ZNF112: variants seen among roughly 807,000 people sequenced by gnomAD.
ZNF112 encodes the protein zinc finger protein 112.
A neutral mutation model predicts 77.7 loss-of-function variants in ZNF112; 37 were observed. The ratio of observed to expected loss-of-function variants is 0.48; its 90% CI spans 0.37 to 0.63. The LOEUF is 0.63. Ranked by LOEUF, ZNF112 falls within the 20% of genes least tolerant of loss-of-function variation. The probability of loss-of-function intolerance (pLI) is 0.00; values close to 1 mark genes in which losing one functional copy is unlikely to be tolerated. For missense variants in ZNF112, 950 were observed against 1,077.4 expected, an observed-to-expected ratio of 0.88 and a Z score of 1.66; for synonymous variants, 333 against 363.6, an observed-to-expected ratio of 0.92 and a Z score of 0.96.
intron 1 of ZNF112, among the ~76,000 whole-genome samples, chr19:44,345,058 G>C (rs777655868): frequency 9.9e-5 from 15 of 152,182 alleles, no homozygotes; most frequent in Non-Finnish European, 2.2e-4. Context: ...CAGTTACTAG[G>C]ACAGTGGCTC....
At chr19:44,334,530 G>A (rs1387120355) in intron 3 of ZNF112, among the ~76,000 whole-genome samples, 1 of 152,240 alleles carries the variant, frequency 6.6e-6, no homozygotes, top group Non-Finnish European at 1.5e-5. Flanking sequence ...GCATTTCAGA[G>A]CCAGTCATGA....
At chr19:44,332,425 A>C (rs2123149229) in intron 3 of ZNF112, among the ~76,000 whole-genome samples, 1 of 152,328 alleles carries the variant, frequency 6.6e-6, no homozygotes, top group African/African-American at 2.4e-5. Context: ...TCAAAAGTGA[A>C]GCTTTCAGTT....
intron 3 of ZNF112, among the ~76,000 whole-genome samples, chr19:44,335,938 T>C (rs1033055898): frequency 1.3e-5 from 2 of 152,206 alleles, no homozygotes; most frequent in Non-Finnish European, 2.9e-5. Context: ...AACTTGAAGA[T>C]TCTACTTTAA....
intron 1 of ZNF112, among the ~76,000 whole-genome samples, chr19:44,341,361 G>A (rs957157588): frequency 3.3e-5 from 5 of 152,164 alleles, no homozygotes; most frequent in African/African-American, 7.2e-5. Context: ...TTGCATTGAC[G>A]TTAACCTCTG....
chr19:44,350,883 G>C (rs1361396623), intron 1 of ZNF112, among the ~76,000 whole-genome samples: 1 of 152,106 alleles, frequency 6.6e-6, no homozygotes, highest in African/African-American at 2.4e-5. Flanking sequence ...AATATCAAGA[G>C]TCTACAGTAA....
chr19:44,349,770 T>C (rs1970659130), intron 1 of ZNF112, among the ~76,000 whole-genome samples: 1 of 152,082 alleles, frequency 6.6e-6, no homozygotes, highest in Non-Finnish European at 1.5e-5. Context: ...GGCAAAGAAA[T>C]GTATCCAGAT....
At chr19:44,359,315 C>CTTTTTTT (rs767955186), upstream of ZNF112, among the ~76,000 whole-genome samples, 81 of 54,860 alleles carry the variant, frequency 1.5e-3, 13 homozygotes, top group African/African-American at 3.9e-3. Flanking sequence ...TATTAGAGTT[C>CTTTTTTT]TTTTTTTTTT....
At position 44,329,523 on chromosome 19, in the gene ZNF112, G is replaced by T. The variant is rs779110592; in HGVS notation, c.634C>A (p.His212Asn). The T allele has an allele frequency of 1.1e-5, 17 of 1,614,098 alleles. No homozygotes were observed. Among genetic ancestry groups the T allele is most frequent in the Middle Eastern group, 1.7e-4 (1 of 6,060 alleles). ...TGTACTTCCAGTTTATCATTGTGATGTGAGAGCCAACTGACACTGTCACAC... is the reference window on the plus strand; with the variant it reads ...TGTACTTCCAGTTTATCATTGTGATTTGAGAGCCAACTGACACTGTCACAC... ...CKCDSVSWLS[H>N]HNDKLEVHRK... The change falls in exon 4 of 4, where the codon CAT becomes AAT. Residue 212 changes from histidine to asparagine, a missense_variant. Physicochemically the swap from His to Asn is moderately conservative, Grantham distance 68 (BLOSUM62 1). Coordinates refer to ENST00000354340, the MANE Select transcript of ZNF112 (RefSeq NM_013380.4).
chr19:44,341,224 C>A (rs1306743267), intron 1 of ZNF112: 3 of 456,028 alleles, frequency 6.6e-6, no homozygotes, highest in Non-Finnish European at 1.3e-5. Flanking sequence ...TTCATTATAT[C>A]TTCTATCCCA....
chr19:44,332,644 T>C (rs1970291897), intron 3 of ZNF112, among the ~76,000 whole-genome samples: 1 of 152,210 alleles, frequency 6.6e-6, no homozygotes, highest in Non-Finnish European at 1.5e-5. Flanking sequence ...TTGGGACTGA[T>C]GTAGTGGCTT....
In ZNF112 at chr19:44,340,423, G is replaced by C; in HGVS notation, c.117C>G (p.Leu39=). ...AAGGGCACCTATCCTCACCTACTAA[G>C]AGCAGGTTCCTGAAGTTCTCCAGCA... ...DVMLENFRNL[L]LVAHQPFKPD... The change falls in exon 2 of 4, where the codon CTC becomes CTG. Residue 39 remains leucine (L), a synonymous_variant. Coordinates refer to ENST00000354340, the MANE Select transcript of ZNF112 (RefSeq NM_013380.4). 2.5e-6 allele frequency: 4 copies of C among 1,613,928 alleles called. No homozygotes were observed. The highest frequency in any genetic ancestry group is 3.4e-6 in the Non-Finnish European group (4 of 1,179,914).
rs770812071 is a variant in ZNF112, at chr19:44,328,605, G to C, written c.1552C>G (p.Pro518Ala). The change falls in exon 4 of 4, where the codon CCA (proline) becomes GCA (alanine). Residue 518 changes from proline to alanine, a missense_variant. By Grantham distance (27) the Pro-to-Ala change is conservative (BLOSUM62 -1). Transcript: ENST00000354340. ...TTGCCGCATATATTGCATTTGTATG[G>C]CTTCTGTCCAGTGTGGACTCTCTGA... ...DHQRVHTGQK[P>A]YKCNICGKGF... 1.2e-6 allele frequency: 2 copies of C among 1,614,006 alleles called. No homozygotes were observed. The highest frequency in any genetic ancestry group is 1.7e-6 in the Non-Finnish European group (2 of 1,179,970).
chr19:44,340,343 A>G, intron 2 of ZNF112, 73 bp downstream of exon 2: 1 of 1,555,754 alleles, frequency 6.4e-7, no homozygotes, highest in Non-Finnish European at 8.7e-7. Context: ...GGGGCTTCAG[A>G]GTTTCTAACA....
intron 1 of ZNF112, among the ~76,000 whole-genome samples, chr19:44,344,355 C>A (rs541539047): frequency 6.5e-4 from 99 of 152,050 alleles, no homozygotes; most frequent in African/African-American, 2.2e-3. Context: ...AACATTAAGG[C>A]TATCTGTGGA....
intron 3 of ZNF112, among the ~76,000 whole-genome samples, chr19:44,333,864 A>G (rs1434117364): frequency 6.6e-6 from 1 of 152,218 alleles, no homozygotes. Context: ...AAAGTGGGGC[A>G]TTGCTATAAA....
At chr19:44,355,063 G>A (rs1275209062) in intron 1 of ZNF112, among the ~76,000 whole-genome samples, 3 of 150,582 alleles carry the variant, frequency 2.0e-5, no homozygotes, top group Non-Finnish European at 3.0e-5. Flanking sequence ...TTAAAATACT[G>A]AAACAAAAAA....
chr19:44,336,204 G>A (rs1970362080), intron 3 of ZNF112, among the ~76,000 whole-genome samples: 1 of 152,196 alleles, frequency 6.6e-6, no homozygotes, highest in African/African-American at 2.4e-5. Flanking sequence ...CATCAGATGA[G>A]AAACAGTATT....
chr19:44,359,168 T>C (rs1346550657), upstream of ZNF112, among the ~76,000 whole-genome samples: 2 of 152,098 alleles, frequency 1.3e-5, no homozygotes, highest in African/African-American at 2.4e-5. Flanking sequence ...CTCAGAGGTC[T>C]GAGTTTCAGG....
chr19:44,337,815 ATATGTGTATG>A (rs1489185534), intron 2 of ZNF112, among the ~76,000 whole-genome samples: 6 of 139,134 alleles, frequency 4.3e-5, no homozygotes, highest in Admixed American at 7.7e-5. Flanking sequence ...CTATGTGTGT[ATATGTGTATG>A]TATATACATA....
Sources: allele counts gnomAD v4.1 joint callset (sites outside exome capture counted in the v4.1 genomes callset), GRCh38; gene constraint gnomAD v4.1.1; transcripts MANE v1.5; gene names NCBI Gene and HGNC (gene_info 2026-07-23, HGNC 2026-07-21).